Variants in RMND5A observed in about 807,000 individuals in gnomAD.
RMND5A encodes the protein required for meiotic nuclear division 5 homolog A.
Under a neutral mutation model 49.7 loss-of-function variants are expected in RMND5A, and 17 were observed. The ratio of observed to expected loss-of-function variants is 0.34; its 90% CI spans 0.23 to 0.51. The LOEUF is 0.51. RMND5A is among the 20% of genes least tolerant of loss of function. RMND5A has a pLI of 0.96. For synonymous variants in RMND5A, 156 were observed against 167.7 expected (o/e 0.93, Z 0.54); for missense variants, 255 against 471.3 (o/e 0.54, Z 4.25).
At chr2:86,761,981 A>C (rs893752668) in intron 4 of RMND5A, among the ~76,000 whole-genome samples, 1 of 152,224 alleles carries the variant, frequency 6.6e-6, no homozygotes, top group Non-Finnish European at 1.5e-5. Flanking sequence ...TTAAATTGAT[A>C]ATTCATAACT....
At chr2:86,742,120 CAG>C (rs1417512621) in intron 2 of RMND5A, among the ~76,000 whole-genome samples, 1 of 124,608 alleles carries the variant, frequency 8.0e-6, no homozygotes, top group Non-Finnish European at 1.7e-5. Flanking sequence ...GGCATGGGCT[CAG>C]AGGACTTGTT....
At chr2:86,767,809 T>C (rs1419843413) in intron 6 of RMND5A, among the ~76,000 whole-genome samples, 1 of 152,222 alleles carries the variant, frequency 6.6e-6, no homozygotes, top group African/African-American at 2.4e-5. Flanking sequence ...AAGTCAGTTT[T>C]CGTGTGGTAT....
In RMND5A at chr2:86,757,077, G is replaced by A. The variant is rs1681752836; in HGVS notation, c.521+3519G>A. On this transcript the variant is annotated intron_variant, in intron 4 of 8. Coordinates refer to ENST00000283632, the MANE Select transcript of RMND5A (RefSeq NM_022780.4). The stretch of plus-strand genomic sequence containing the variant: ...AATCCCAGCTACTCAGGAAGGCTGA[G>A]GCAGGAGAATCGCTTGAACCCGGGA... Among the ~76,000 whole-genome samples, 3 of 151,350 alleles carry A rather than the reference G, an allele frequency of 2.0e-5. No homozygotes were observed. The Admixed American group carries it at 2.0e-4, about 10-fold the overall frequency.
At chr2:86,766,442 G>A (rs1279914303) in intron 6 of RMND5A, among the ~76,000 whole-genome samples, 1 of 152,036 alleles carries the variant, frequency 6.6e-6, no homozygotes, top group Non-Finnish European at 1.5e-5. Flanking sequence ...TAGGAGGGTG[G>A]ATCACGAGAT....
intron 4 of RMND5A, among the ~76,000 whole-genome samples, chr2:86,754,393 T>A (rs1249708273): frequency 6.6e-6 from 1 of 152,208 alleles, no homozygotes; most frequent in East Asian, 1.9e-4. Context: ...CAGTGATTTG[T>A]TGTGAGCTTA....
chr2:86,744,798 T>A (rs1681508485), intron 2 of RMND5A, among the ~76,000 whole-genome samples: 1 of 152,078 alleles, frequency 6.6e-6, no homozygotes, highest in African/African-American at 2.4e-5. Context: ...TCCTCCCACC[T>A]CAGCATCCAA....
intron 4 of RMND5A, among the ~76,000 whole-genome samples, chr2:86,760,031 C>A (rs1447952811): frequency 6.6e-6 from 1 of 151,604 alleles, no homozygotes; most frequent in Non-Finnish European, 1.5e-5. Flanking sequence ...TCTCTGTGTC[C>A]TTTCTCTCCT....
chr2:86,749,780 G>T (rs1484130195), intron 2 of RMND5A, among the ~76,000 whole-genome samples: 9 of 152,274 alleles, frequency 5.9e-5, no homozygotes, highest in South Asian at 4.1e-4. Context: ...AATATTCTTG[G>T]TTTTTTGTGT....
Position 86,725,855 on chromosome 2 carries a change from T to C in RMND5A, c.142+5046T>C, listed in dbSNP as rs1217575725. Among the ~76,000 whole-genome samples the C allele has an allele frequency of 2.6e-5, 2 of 77,986 alleles. 1 individual carries two copies. Among genetic ancestry groups the C allele is most frequent in the Non-Finnish European group, 5.3e-5 (2 of 37,616 alleles). The allele number at this position is 77,986 out of a possible 152,430, so 51.2% of individuals were successfully genotyped here. On this transcript the variant is annotated intron_variant, in intron 1 of 8. Transcript: ENST00000283632. ...TTCATCTGTGGGAGTGATCAACATA[T>C]ACTGTATTAGCACCTAAAACTCCTT...
At chr2:86,755,952 A>G (rs1558723771) in intron 4 of RMND5A, among the ~76,000 whole-genome samples, 1 of 152,192 alleles carries the variant, frequency 6.6e-6, no homozygotes, top group South Asian at 2.1e-4. Flanking sequence ...TTCAACCCTC[A>G]TATTAACCTA....
intron 4 of RMND5A, 94 bp from the exon 5 acceptor site, chr2:86,764,933 C>G: frequency 8.1e-7 from 1 of 1,230,546 alleles, no homozygotes; most frequent in South Asian, 1.6e-5. Flanking sequence ...GATGGCAGAC[C>G]AAGCCCCTTT....
rs552329402 is a variant in RMND5A, at chr2:86,774,349, C to T, written c.*938C>T. ...GGAAGGAAAGCAGCATGTTCCAGTT[C>T]TAAAATGCAGTTACCAGACCCATCA... is the stretch of plus-strand genomic sequence containing the variant. On this transcript the variant is annotated 3_prime_UTR_variant, in exon 9 of 9. Transcript: ENST00000283632. 2 of 152,674 alleles carry T rather than the reference C, an allele frequency of 1.3e-5. No individual in the cohort carries two copies. Among genetic ancestry groups the T allele is most frequent in the Middle Eastern group, 3.4e-3 (1 of 294 alleles). 9.5% of individuals were successfully genotyped at this position (152,674 alleles called of 1,614,324 possible). A position where few individuals can be genotyped will look rare whatever the true frequency, so the allele number is the denominator to read the frequency against.
chr2:86,754,626 G>A (rs891105639), intron 4 of RMND5A, among the ~76,000 whole-genome samples: 4 of 152,014 alleles, frequency 2.6e-5, no homozygotes, highest in African/African-American at 9.7e-5. Context: ...GAGTGCAGTG[G>A]CATAATCATG....
chr2:86,746,445 C>T (rs1681539484), intron 2 of RMND5A, among the ~76,000 whole-genome samples: 1 of 152,164 alleles, frequency 6.6e-6, no homozygotes, highest in Admixed American at 6.5e-5. Context: ...GATGGATACT[C>T]ATAGAGGTTT....
At chr2:86,743,071 C>T (rs1354742830) in intron 2 of RMND5A, among the ~76,000 whole-genome samples, 1 of 152,162 alleles carries the variant, frequency 6.6e-6, no homozygotes, top group African/African-American at 2.4e-5. Context: ...TCAGAATCTT[C>T]TTCTGCTCTT....
chr2:86,752,119 T>C (rs1681646397), intron 3 of RMND5A, 89 bp downstream of exon 3: 1 of 1,168,302 alleles, frequency 8.6e-7, no homozygotes, highest in Admixed American at 2.3e-5. Context: ...TTTTGAGTCT[T>C]CCTCTAGCTA....
chr2:86,753,689 AATT>A (rs1218284676), intron 4 of RMND5A, 131 bp downstream of exon 4: 1 of 489,070 alleles, frequency 2.0e-6, no homozygotes, highest in Non-Finnish European at 3.6e-6. Context: ...ATCAAAGGAG[AATT>A]ATTTTATTTA....
chr2:86,749,210 T>G (rs765278566), intron 2 of RMND5A, among the ~76,000 whole-genome samples: 1 of 152,202 alleles, frequency 6.6e-6, no homozygotes, highest in African/African-American at 2.4e-5. Context: ...ATAAAATAAT[T>G]TACTTAAAAA....
rs762381195 is a variant in RMND5A at position 86,770,006 on chromosome 2, C to G, written c.855-17C>G. 2 of 1,605,470 alleles carry G rather than the reference C, an allele frequency of 1.2e-6. No homozygotes were observed. The highest frequency in any genetic ancestry group is 8.5e-7 in the Non-Finnish European group (1 of 1,172,350). ...ACCCCTGGCCTGGCACTGACGTTTC[C>G]TCTTCTGCTCTCCCAGTTTCTCAGC... is the stretch of plus-strand genomic sequence containing the variant. On this transcript the variant is annotated splice_polypyrimidine_tract_variant and intron_variant, in intron 6 of 8. Transcript: ENST00000283632.
Sources: gnomAD v4.1 joint callset for allele counts (sites outside exome capture counted in the v4.1 genomes callset) on GRCh38, gnomAD v4.1.1 for gene constraint, MANE v1.5 for transcripts, NCBI Gene and HGNC (gene_info 2026-07-23, HGNC 2026-07-21) for gene names.